Variants in FNDC3B observed in about 807,000 individuals in gnomAD.
FNDC3B encodes fibronectin type III domain containing 3B.
In FNDC3B, 12 loss-of-function variants were observed where a neutral mutation model predicts 151.5. The observed-to-expected ratio is 0.08, with a 90% CI of 0.05 to 0.13. FNDC3B has a LOEUF of 0.13. Among genes scored for constraint, FNDC3B ranks in the 10% least tolerant of loss-of-function variants. The pLI, the probability that FNDC3B is intolerant of heterozygous loss-of-function variation, is 1.00. For synonymous variants in FNDC3B, 528 were observed against 549.0 expected (o/e 0.96, Z 0.54); for missense variants, 1,214 against 1,505.3 (o/e 0.81, Z 3.20).
chr3:172,208,500 T>C (rs1725546184), intron 3 of FNDC3B, among the ~76,000 whole-genome samples: 1 of 152,144 alleles, frequency 6.6e-6, no homozygotes, highest in Non-Finnish European at 1.5e-5. Context: ...TATGGTTTAT[T>C]TTTATTATTT....
intron 25 of FNDC3B, among the ~76,000 whole-genome samples, chr3:172,389,518 C>T (rs956045240): frequency 1.6e-4 from 24 of 152,078 alleles, no homozygotes; most frequent in African/African-American, 5.1e-4. Context: ...ACTATTAGAA[C>T]GTATTAGAAA....
intron 3 of FNDC3B, among the ~76,000 whole-genome samples, chr3:172,150,686 A>G (rs1722173865): frequency 6.6e-6 from 1 of 152,120 alleles, no homozygotes; most frequent in African/African-American, 2.4e-5. Context: ...TGAAAATGTG[A>G]AAAAGGTACT....
At chr3:172,362,535 G>T in intron 22 of FNDC3B, 98 bp from the exon 23 acceptor site, 1 of 917,868 alleles carries the variant, frequency 1.1e-6, no homozygotes, top group South Asian at 1.5e-5. Context: ...TATTGCTTTA[G>T]GGACAAGTAA....
intron 1 of FNDC3B, among the ~76,000 whole-genome samples, chr3:172,055,562 A>G (rs1322836031): frequency 7.0e-6 from 1 of 142,446 alleles, no homozygotes; most frequent in East Asian, 1.9e-4. Context: ...TTGACAAAAA[A>G]GAGAACAGAG....
chr3:172,209,851 C>T (rs886179160), intron 3 of FNDC3B, among the ~76,000 whole-genome samples: 5 of 152,268 alleles, frequency 3.3e-5, no homozygotes, highest in Admixed American at 3.3e-4. Context: ...GCCCTCAGCC[C>T]CTTGGCCTCC....
intron 3 of FNDC3B, among the ~76,000 whole-genome samples, chr3:172,195,028 A>G (rs1724750534): frequency 6.6e-6 from 1 of 152,258 alleles, no homozygotes; most frequent in Admixed American, 6.5e-5. Flanking sequence ...AGGAAGAGAA[A>G]TAAATCTAAG....
At chr3:172,084,280 C>A (rs1372362510) in intron 1 of FNDC3B, among the ~76,000 whole-genome samples, 1 of 151,780 alleles carries the variant, frequency 6.6e-6, no homozygotes. Context: ...AAAACCCTGT[C>A]TCTACAAAAA....
chr3:172,141,536 A>G (rs1721630452), intron 3 of FNDC3B, among the ~76,000 whole-genome samples: 1 of 152,156 alleles, frequency 6.6e-6, no homozygotes, highest in South Asian at 2.1e-4. Context: ...TTACATTTTC[A>G]TTGAATTCCA....
At chr3:172,186,991 C>G (rs1724221496) in intron 3 of FNDC3B, 1 of 418,048 alleles carries the variant, frequency 2.4e-6, no homozygotes, top group Admixed American at 4.3e-5. Flanking sequence ...CTTGGCTTTA[C>G]TGTAGTTTAA....
chr3:172,366,613 C>T (rs1308395653), intron 23 of FNDC3B, among the ~76,000 whole-genome samples: 1 of 152,196 alleles, frequency 6.6e-6, no homozygotes, highest in Non-Finnish European at 1.5e-5. Flanking sequence ...TTAAGGAACT[C>T]ACAGTCTGGT....
At chr3:172,188,260 G>T (rs9877540) in intron 3 of FNDC3B, among the ~76,000 whole-genome samples, 250 of 152,230 alleles carry the variant, frequency 1.6e-3, no homozygotes, top group African/African-American at 5.9e-3. Flanking sequence ...CTCCCAAAGT[G>T]CTGGGATTAC....
At position 172,297,697 on chromosome 3, in the gene FNDC3B, A is replaced by G. The variant is rs985400152; in HGVS notation, c.1002-1031A>G. The stretch of plus-strand genomic sequence containing the variant: ...CACCGTGTTAGCCAGGATGGTCTCG[A>G]TCTCCTGACCTCGTGATCCGCCCTC... On this transcript the variant is annotated intron_variant, in intron 8 of 25. Transcript: ENST00000415807. Among the ~76,000 whole-genome samples the G allele has an allele frequency of 3.3e-5, 5 of 151,946 alleles. No individual in the cohort carries two copies. The East Asian group carries it at 9.6e-4, about 29-fold the overall frequency.
chr3:172,330,404 C>T, intron 12 of FNDC3B, 137 bp from the exon 13 acceptor site: 1 of 653,906 alleles, frequency 1.5e-6, no homozygotes, highest in South Asian at 2.2e-5. Context: ...GAATATCACA[C>T]ACAGCATCCT....
chr3:172,204,953 A>G (rs1725347453), intron 3 of FNDC3B, among the ~76,000 whole-genome samples: 1 of 152,222 alleles, frequency 6.6e-6, no homozygotes, highest in South Asian at 2.1e-4. Context: ...GTACATGTTC[A>G]ACACTGAACA....
At chr3:172,156,372 C>T (rs1195843864) in intron 3 of FNDC3B, among the ~76,000 whole-genome samples, 1 of 152,218 alleles carries the variant, frequency 6.6e-6, no homozygotes, top group Admixed American at 6.5e-5. Context: ...GTTGTTCCCA[C>T]CATTAGCCAT....
chr3:172,393,612 A>G (rs1345684393), intron 25 of FNDC3B, among the ~76,000 whole-genome samples: 2 of 152,238 alleles, frequency 1.3e-5, no homozygotes, highest in African/African-American at 4.8e-5. Context: ...AGCCTCAGCA[A>G]ATTTTAGAAG....
intron 6 of FNDC3B, among the ~76,000 whole-genome samples, chr3:172,256,660 G>T (rs1271159942): frequency 6.6e-6 from 1 of 152,200 alleles, no homozygotes; most frequent in Non-Finnish European, 1.5e-5. Context: ...TATTGAGTGG[G>T]ATACAGTGAG....
At chr3:172,167,393 CAAAAAGAATATAGACTCCAAGAGGGT>C (rs960108262) in intron 3 of FNDC3B, among the ~76,000 whole-genome samples, 3 of 152,204 alleles carry the variant, frequency 2.0e-5, no homozygotes, top group African/African-American at 7.2e-5. Context: ...GAGACTGTCT[CAAAAAGAATATAGACTCCAAGAGGGT>C]TGCAGTTTCA....
At position 172,119,043 on chromosome 3, in the gene FNDC3B, G is replaced by A. The variant is rs529937084; in HGVS notation, c.111+6453G>A. 1.0e-3 allele frequency among the ~76,000 whole-genome samples: 154 copies of A among 151,856 alleles called. 1 individual carries two copies. The highest frequency in any genetic ancestry group is 1.8e-3 in the Non-Finnish European group (123 of 67,912). ...AAATTAGCCAGGCGTGGTGGTGGGC[G>A]CCTGTAGTCCCAGCTACTTGGGAGG... On this transcript the variant is annotated intron_variant, in intron 2 of 25. Coordinates refer to ENST00000415807, the MANE Select transcript of FNDC3B (RefSeq NM_022763.4).
Sources: gnomAD v4.1 joint callset for allele counts (sites outside exome capture counted in the v4.1 genomes callset) on GRCh38, gnomAD v4.1.1 for gene constraint, MANE v1.5 for transcripts, NCBI Gene and HGNC (gene_info 2026-07-23, HGNC 2026-07-21) for gene names.